The following DIP2B variants were observed in gnomAD, a reference collection of about 807,000 sequenced individuals.
The protein encoded by DIP2B is DIP2 acetate--CoA ligase B (putative).
DIP2B carries 76 observed loss-of-function variants against 198.0 expected under a neutral mutation model. That is an observed-to-expected ratio of 0.38 (90% CI 0.32 to 0.46). The LOEUF (loss-of-function observed/expected upper bound fraction) is 0.46, where lower values mean the gene tolerates loss of function less well. Ranked by LOEUF, DIP2B falls within the 20% of genes least tolerant of loss-of-function variation. DIP2B has a pLI of 0.99. For synonymous variants in DIP2B, 701 were observed against 739.1 expected (o/e 0.95, Z 0.84); for missense variants, 1,559 against 1,978.4 (o/e 0.79, Z 4.02).
At chr12:50,690,949 A>G in intron 12 of DIP2B, 100 bp from the exon 13 acceptor site, 2 of 950,648 alleles carry the variant, frequency 2.1e-6, no homozygotes, top group Non-Finnish European at 3.2e-6. Context: ...AATTCAGCCC[A>G]TTATGATGGT....
intron 36 of DIP2B, 28 bp from the exon 37 acceptor site, chr12:50,741,388 C>G (rs757908840): frequency 1.9e-6 from 3 of 1,610,240 alleles, no homozygotes; most frequent in African/African-American, 2.7e-5. Flanking sequence ...ATGTCCAAGC[C>G]ACATTTCTCT....
chr12:50,686,448 C>A, intron 11 of DIP2B, 125 bp from the exon 12 acceptor site: 1 of 790,446 alleles, frequency 1.3e-6, no homozygotes. Flanking sequence ...CTAATAAAAA[C>A]TAAGTATTTT....
rs555315797 is a variant in DIP2B, at chr12:50,513,731, G to A, written c.100+8491G>A. Among the ~76,000 whole-genome samples, 6 of 152,136 alleles carry A rather than the reference G, an allele frequency of 3.9e-5. No individual in the cohort carries two copies. In the East Asian group the frequency reaches 7.8e-4, roughly 20 times the overall value. On this transcript the variant is annotated intron_variant, in intron 1 of 37. Transcript: ENST00000301180. ...TCTACTAAAAATACACAAACTAGCC[G>A]GGCATGGTGGCAGGCGCCTGTAATC...
At chr12:50,509,950 TA>T (rs1210413603) in intron 1 of DIP2B, among the ~76,000 whole-genome samples, 1 of 152,234 alleles carries the variant, frequency 6.6e-6, no homozygotes, top group Non-Finnish European at 1.5e-5. Context: ...CTAAGTAATC[TA>T]CCTCCAGAAC....
intron 2 of DIP2B, among the ~76,000 whole-genome samples, chr12:50,626,501 T>A (rs1937938037): frequency 6.6e-6 from 1 of 152,226 alleles, no homozygotes; most frequent in Non-Finnish European, 1.5e-5. Flanking sequence ...TTACTGCTTC[T>A]ATAGAGAGAC....
chr12:50,661,103 G>T (rs944628639), intron 4 of DIP2B, among the ~76,000 whole-genome samples: 5 of 151,592 alleles, frequency 3.3e-5, no homozygotes, highest in African/African-American at 1.2e-4. Context: ...AATTTTTTTT[G>T]AACTTCTCTA....
chr12:50,543,830 A>G (rs1407910034), intron 1 of DIP2B, among the ~76,000 whole-genome samples: 1 of 150,444 alleles, frequency 6.6e-6, no homozygotes, highest in East Asian at 2.0e-4. Context: ...AGGCTGAGGC[A>G]GGAGAATCAC....
At chr12:50,615,001 A>T (rs937845493) in intron 1 of DIP2B, among the ~76,000 whole-genome samples, 106 of 152,320 alleles carry the variant, frequency 7.0e-4, no homozygotes, top group African/African-American at 2.5e-3. Context: ...ATCACTGTTA[A>T]TTTTATCTAG....
At chr12:50,506,322 C>CT (rs1431175135) in intron 1 of DIP2B, among the ~76,000 whole-genome samples, 2 of 152,148 alleles carry the variant, frequency 1.3e-5, no homozygotes, top group African/African-American at 4.8e-5. Flanking sequence ...ATCAAAAACT[C>CT]TTGATTGGAA....
chr12:50,702,201 C>T (rs561511534), intron 19 of DIP2B, among the ~76,000 whole-genome samples: 6 of 152,238 alleles, frequency 3.9e-5, no homozygotes, highest in African/African-American at 1.4e-4. Context: ...AAAAAATTAG[C>T]CAGGCATGGT....
intron 3 of DIP2B, among the ~76,000 whole-genome samples, chr12:50,658,563 T>C (rs555041867): frequency 1.3e-5 from 2 of 152,364 alleles, no homozygotes; most frequent in East Asian, 3.9e-4. Flanking sequence ...GTTTTTGTAA[T>C]TAATTCTAAG....
chr12:50,552,775 G>GT (rs895888772), intron 1 of DIP2B, among the ~76,000 whole-genome samples: 4 of 151,916 alleles, frequency 2.6e-5, no homozygotes, highest in Non-Finnish European at 4.4e-5. Context: ...TCTTCTAGGA[G>GT]TTTAAAGTTC....
chr12:50,542,197 G>T (rs539199936), intron 1 of DIP2B, among the ~76,000 whole-genome samples: 1 of 143,914 alleles, frequency 6.9e-6, no homozygotes, highest in East Asian at 2.0e-4. Context: ...GCAGTGAGTC[G>T]AGATTTGGGC....
intron 1 of DIP2B, among the ~76,000 whole-genome samples, chr12:50,588,141 T>TTTTTTTC (rs1555185874): frequency 2.0e-5 from 3 of 151,806 alleles, no homozygotes; most frequent in Admixed American, 6.6e-5. Flanking sequence ...CTTTTCTTTT[T>TTTTTTTC]TTTTTCTTTT....
At position 50,560,284 on chromosome 12, in the gene DIP2B, A is replaced by C. The variant is rs182606569; in HGVS notation, c.100+55044A>C. On this transcript the variant is annotated intron_variant, in intron 1 of 37. Transcript: ENST00000301180. Reference sequence around the variant, plus strand: ...GTGGCATGCACCTGAAGTCCCAGCTACTCGGGAGGCTGAGGCAGGAAAATG... The same window carrying C: ...GTGGCATGCACCTGAAGTCCCAGCTCCTCGGGAGGCTGAGGCAGGAAAATG... Among the ~76,000 whole-genome samples the C allele has an allele frequency of 4.7e-3, 715 of 151,964 alleles. 8 individuals carry two copies. The highest frequency in any genetic ancestry group is 0.016 in the African/African-American group (676 of 41,446).
chr12:50,745,109 T>G lies in DIP2B; in HGVS notation c.*270T>G, dbSNP rs1349526177. ...GCAATTACATGCATGTTGCATTTTT[T>G]TCATCTGTTGTACATAGTTGTATTT... On this transcript the variant is annotated 3_prime_UTR_variant, in exon 38 of 38. Transcript: ENST00000301180. 2.3e-6 allele frequency: 1 copy of G among 443,516 alleles called. No individual in the cohort carries two copies. The highest frequency in any genetic ancestry group is 2.0e-5 in the African/African-American group (1 of 50,682). 27.5% of individuals were successfully genotyped at this position (443,516 alleles called of 1,614,324 possible).
At position 50,717,969 on chromosome 12, in the gene DIP2B, G is replaced by A. The variant is rs566436981; in HGVS notation, c.2852-740G>A. 7.9e-5 allele frequency among the ~76,000 whole-genome samples: 10 copies of A among 126,016 alleles called. 1 individual carries two copies. The East Asian group carries it at 9.3e-4, about 12-fold the overall frequency. The allele number at this position is 126,016 out of a possible 152,430, so 82.7% of individuals were successfully genotyped here. A position where few individuals can be genotyped will look rare whatever the true frequency, so the allele number is the denominator to read the frequency against. On this transcript the variant is annotated intron_variant, in intron 23 of 37. Transcript: ENST00000301180. ...TACTGGAGTGCAGTGGCACGATTTC[G>A]GCTCACTGCAACCTCCACCTCCTGG...
chr12:50,623,020 C>T (rs895023227), intron 1 of DIP2B, among the ~76,000 whole-genome samples: 2 of 151,754 alleles, frequency 1.3e-5, no homozygotes, highest in Non-Finnish European at 1.5e-5. Flanking sequence ...ATGGACCGTT[C>T]GTTCTTAGAA....
At chr12:50,710,661 G>A (rs1045693863) in intron 22 of DIP2B, among the ~76,000 whole-genome samples, 1 of 152,108 alleles carries the variant, frequency 6.6e-6, no homozygotes. Flanking sequence ...CTGACCTCAG[G>A]TGATCCACCC....
Sources: gnomAD v4.1 joint callset for allele counts (sites outside exome capture counted in the v4.1 genomes callset) on GRCh38, gnomAD v4.1.1 for gene constraint, MANE v1.5 for transcripts, NCBI Gene and HGNC (gene_info 2026-07-23, HGNC 2026-07-21) for gene names.